TECRL: variants seen among roughly 807,000 people sequenced by gnomAD.
TECRL encodes the protein trans-2,3-enoyl-CoA reductase-like.
In TECRL, 63 loss-of-function variants were observed where a neutral mutation model predicts 52.8. That is an observed-to-expected ratio of 1.19 (90% CI 0.97 to 1.47). TECRL has a LOEUF of 1.47. Among genes scored for constraint, TECRL ranks in the 40% most tolerant of loss-of-function variants. TECRL has a pLI of 0.00. For missense variants in TECRL, 482 were observed against 429.6 expected (o/e 1.12, Z -1.08); for synonymous variants, 164 against 141.9 (o/e 1.16, Z -1.10).
Position 64,286,963 on chromosome 4 carries a change from G to A in TECRL, c.832+2747C>T, listed in dbSNP as rs908415652. On this transcript the variant is annotated intron_variant, in intron 9 of 11. Transcript: ENST00000381210. ...ATTTTATTAGATTATATTGTGTTTC[G>A]CTTCTCTACTAAAAAAATTTAGACC... Among the ~76,000 whole-genome samples, 3 of 151,892 alleles carry A rather than the reference G, an allele frequency of 2.0e-5. No homozygotes were observed. The East Asian group carries it at 5.8e-4, about 29-fold the overall frequency.
chr4:64,372,609 C>T (rs1018043877), intron 2 of TECRL, among the ~76,000 whole-genome samples: 3 of 151,312 alleles, frequency 2.0e-5, no homozygotes, highest in African/African-American at 7.3e-5. Flanking sequence ...TAAAATAAAA[C>T]AAAGAAAAAT....
intron 1 of TECRL, among the ~76,000 whole-genome samples, chr4:64,408,678 A>G (rs538217052): frequency 2.6e-5 from 4 of 152,132 alleles, no homozygotes; most frequent in Non-Finnish European, 5.9e-5. Flanking sequence ...CAGACATATT[A>G]CATGTTACTT....
downstream of TECRL, chr4:64,277,094 T>A (rs1031128128): frequency 1.5e-5 from 21 of 1,377,676 alleles, no homozygotes; most frequent in African/African-American, 2.4e-4. Context: ...ACACATTTCA[T>A]AATTAAGATA....
intron 1 of TECRL, among the ~76,000 whole-genome samples, chr4:64,382,191 G>GTATATATA (rs200934355): frequency 1.1e-3 from 15 of 13,370 alleles, no homozygotes; most frequent in African/African-American, 1.7e-3. Context: ...GGAAATTTCT[G>GTATATATA]TATATATATA....
intron 9 of TECRL, among the ~76,000 whole-genome samples, chr4:64,288,543 G>T (rs1723202708): frequency 6.6e-6 from 1 of 152,028 alleles, no homozygotes; most frequent in Non-Finnish European, 1.5e-5. Flanking sequence ...TTCTATGTAA[G>T]AACAATGAAC....
At chr4:64,287,395 A>G (rs1053327517) in intron 9 of TECRL, among the ~76,000 whole-genome samples, 1 of 152,152 alleles carries the variant, frequency 6.6e-6, no homozygotes, top group African/African-American at 2.4e-5. Flanking sequence ...ATTCTGGAAA[A>G]TGTTTTATAT....
chr4:64,398,561 C>T (rs1171323237), intron 1 of TECRL, among the ~76,000 whole-genome samples: 1 of 152,112 alleles, frequency 6.6e-6, no homozygotes, highest in African/African-American at 2.4e-5. Context: ...CTGAGGCCTC[C>T]CCATAAGCAG....
chr4:64,276,516 CATAA>C (rs1325340072), downstream of TECRL: 1 of 151,646 alleles, frequency 6.6e-6, no homozygotes, highest in Non-Finnish European at 1.5e-5. Context: ...TGACATCTAT[CATAA>C]ATAAATGTCA....
At chr4:64,405,636 G>A (rs1724659716) in intron 1 of TECRL, among the ~76,000 whole-genome samples, 1 of 152,020 alleles carries the variant, frequency 6.6e-6, no homozygotes, top group Admixed American at 6.6e-5. Flanking sequence ...AAAATAATAG[G>A]TTACAGTATA....
At chr4:64,334,094 T>G (rs1718871790) in intron 2 of TECRL, among the ~76,000 whole-genome samples, 1 of 146,784 alleles carries the variant, frequency 6.8e-6, no homozygotes, top group South Asian at 2.2e-4. Flanking sequence ...TCACTTTGAA[T>G]ATGTTATTTT....
intron 2 of TECRL, among the ~76,000 whole-genome samples, chr4:64,359,647 T>C (rs985025119): frequency 6.6e-6 from 1 of 152,018 alleles, no homozygotes; most frequent in Admixed American, 6.6e-5. Context: ...AAACCATTCA[T>C]AGAATCACAT....
chr4:64,299,973 C>G lies in TECRL; in HGVS notation c.774+1G>C, dbSNP rs1178272519. The stretch of plus-strand genomic sequence containing the variant: ...TAGCAAAATATATATATGATACATA[C>G]CAGAAAATTGATAGCAGATACTGTG... On this transcript the variant is annotated splice_donor_variant, in intron 8 of 11. Coordinates refer to ENST00000381210, the MANE Select transcript of TECRL (RefSeq NM_001010874.5). LOFTEE classifies it high-confidence loss of function. 6.4e-7 allele frequency: 1 copy of G among 1,568,720 alleles called. No homozygotes were observed. Among genetic ancestry groups the G allele is most frequent in the Non-Finnish European group, 8.7e-7 (1 of 1,153,388 alleles).
chr4:64,379,383 T>A (rs1483928466), intron 1 of TECRL, among the ~76,000 whole-genome samples: 2 of 152,054 alleles, frequency 1.3e-5, no homozygotes, highest in African/African-American at 4.8e-5. Context: ...ATTTACGGGG[T>A]GCATGTGCTA....
At chr4:64,334,311 A>G (rs1022483986) in intron 2 of TECRL, among the ~76,000 whole-genome samples, 1 of 152,132 alleles carries the variant, frequency 6.6e-6, no homozygotes, top group African/African-American at 2.4e-5. Flanking sequence ...ATTTAGTACA[A>G]TACTTCACTG....
At chr4:64,384,678 C>T (rs1372414649) in intron 1 of TECRL, among the ~76,000 whole-genome samples, 4 of 152,066 alleles carry the variant, frequency 2.6e-5, no homozygotes, top group Non-Finnish European at 5.9e-5. Flanking sequence ...TTTGTATGGA[C>T]CTGTTCTCAG....
chr4:64,408,006 A>G, intron 1 of TECRL, among the ~76,000 whole-genome samples: 1 of 151,722 alleles, frequency 6.6e-6, no homozygotes, highest in Non-Finnish European at 1.5e-5. Flanking sequence ...TTAAAACTGT[A>G]CAGAAATGGT....
Position 64,371,198 on chromosome 4 carries a change from A to C in TECRL, c.286+3974T>G, listed in dbSNP as rs147775359. On this transcript the variant is annotated intron_variant, in intron 2 of 11. Transcript: ENST00000381210. Reference sequence around the variant, plus strand: ...CACTTTTAACTACAAACCCAGTAATAATAATACATAATTATTTTTACATTA... The same window carrying C: ...CACTTTTAACTACAAACCCAGTAATCATAATACATAATTATTTTTACATTA... Among the ~76,000 whole-genome samples the C allele has an allele frequency of 1.4e-4, 21 of 151,544 alleles. No homozygotes were observed. In the East Asian group the frequency reaches 4.1e-3, roughly 29 times the overall value.
At chr4:64,393,838 G>A (rs1230487906) in intron 1 of TECRL, among the ~76,000 whole-genome samples, 5 of 151,850 alleles carry the variant, frequency 3.3e-5, no homozygotes, top group Admixed American at 1.3e-4. Context: ...TTTTCTCTGA[G>A]TCTTACATAA....
chr4:64,403,475 G>GCGCACACACACACACACACACACA (rs59253067), intron 1 of TECRL, among the ~76,000 whole-genome samples: 26 of 148,238 alleles, frequency 1.8e-4, no homozygotes, highest in Non-Finnish European at 3.9e-4. Context: ...CTCCCTGAGC[G>GCGCACACACACACACACACACACA]CACACACACA....
Sources: gnomAD v4.1 joint callset for allele counts (sites outside exome capture counted in the v4.1 genomes callset) on GRCh38, gnomAD v4.1.1 for gene constraint, MANE v1.5 for transcripts, NCBI Gene and HGNC (gene_info 2026-07-23, HGNC 2026-07-21) for gene names.